The following CACHD1 variants were observed in gnomAD, a reference collection of about 807,000 sequenced individuals.
CACHD1 encodes cache domain containing 1, also known as VWFA and cache domain-containing protein 1.
In CACHD1, 71 loss-of-function variants were observed where a neutral mutation model predicts 138.7. The ratio of observed to expected loss-of-function variants is 0.51; its 90% confidence interval spans 0.42 to 0.62. CACHD1 has a LOEUF of 0.62. CACHD1 is among the 20% of genes least tolerant of loss of function. The probability of loss-of-function intolerance (pLI) is 0.00; values close to 1 mark genes in which losing one functional copy is unlikely to be tolerated. For missense variants in CACHD1, 1,389 were observed against 1,625.3 expected, an observed-to-expected ratio of 0.85 and a Z score of 2.50; for synonymous variants, 578 against 591.5, an observed-to-expected ratio of 0.98 and a Z score of 0.33.
intron 2 of CACHD1, among the ~76,000 whole-genome samples, chr1:64,560,268 G>C (rs1395420429): frequency 6.6e-6 from 1 of 151,328 alleles, no homozygotes; most frequent in Non-Finnish European, 1.5e-5. Context: ...TTTAGGTTTT[G>C]TTCTTTTTCT....
intron 2 of CACHD1, among the ~76,000 whole-genome samples, chr1:64,570,151 G>T (rs543508178): frequency 1.3e-5 from 2 of 152,126 alleles, no homozygotes; most frequent in East Asian, 1.9e-4. Flanking sequence ...TCAAGAACAG[G>T]GACCACTCAT....
chr1:64,471,029 G>A (rs139097650), intron 1 of CACHD1, 87 bp downstream of exon 1: 123 of 1,321,970 alleles, frequency 9.3e-5, no homozygotes, highest in Admixed American at 2.6e-4. Flanking sequence ...CCCCTGGACT[G>A]TGTGCATCGG....
chr1:64,507,707 G>C (rs1349505776), intron 1 of CACHD1, among the ~76,000 whole-genome samples: 1 of 152,132 alleles, frequency 6.6e-6, no homozygotes, highest in Non-Finnish European at 1.5e-5. Flanking sequence ...GAGTGAGAAT[G>C]GAAATTCAGC....
intron 5 of CACHD1, among the ~76,000 whole-genome samples, chr1:64,630,667 T>C (rs551270567): frequency 6.6e-6 from 1 of 152,322 alleles, no homozygotes; most frequent in African/African-American, 2.4e-5. Flanking sequence ...TCTTGGAGAC[T>C]GGACCAGAAG....
chr1:64,531,750 C>A (rs1020690300), intron 1 of CACHD1, among the ~76,000 whole-genome samples: 2 of 152,190 alleles, frequency 1.3e-5, no homozygotes, highest in African/African-American at 4.8e-5. Flanking sequence ...GTTTGCTATA[C>A]CAGCACAGGC....
At chr1:64,631,000 G>T (rs1165447654) in intron 5 of CACHD1, among the ~76,000 whole-genome samples, 1 of 152,074 alleles carries the variant, frequency 6.6e-6, no homozygotes, top group Non-Finnish European at 1.5e-5. Context: ...GCCTTTCCAA[G>T]TTCTCTACAT....
At chr1:64,555,813 C>T (rs1448954286) in intron 2 of CACHD1, among the ~76,000 whole-genome samples, 1 of 152,194 alleles carries the variant, frequency 6.6e-6, no homozygotes, top group African/African-American at 2.4e-5. Flanking sequence ...ATCCAATTTC[C>T]TTTTCTTCCC....
At chr1:64,689,129 C>T (rs996883946) in intron 26 of CACHD1, among the ~76,000 whole-genome samples, 3 of 152,172 alleles carry the variant, frequency 2.0e-5, no homozygotes, top group Admixed American at 2.0e-4. Flanking sequence ...TGTCTCCCAT[C>T]CAAGTACTAA....
intron 1 of CACHD1, among the ~76,000 whole-genome samples, chr1:64,497,225 A>C (rs1646311266): frequency 6.6e-6 from 1 of 152,102 alleles, no homozygotes; most frequent in Admixed American, 6.5e-5. Context: ...CAGGGCTTTG[A>C]TTTGCAGTGG....
intron 7 of CACHD1, among the ~76,000 whole-genome samples, chr1:64,635,673 G>C (rs968185967): frequency 6.6e-6 from 1 of 151,218 alleles, no homozygotes; most frequent in Non-Finnish European, 1.5e-5. Flanking sequence ...GAGCCACCAC[G>C]CCTGGCCTCT....
At chr1:64,487,858 G>A (rs2100290321) in intron 1 of CACHD1, among the ~76,000 whole-genome samples, 1 of 152,248 alleles carries the variant, frequency 6.6e-6, no homozygotes, top group Middle Eastern at 3.4e-3. Context: ...ATGTGATTGT[G>A]GTTTGGAATT....
In CACHD1 at chr1:64,652,197, G is replaced by A; in HGVS notation, c.1427G>A (p.Gly476Glu). The change falls in exon 10 of 27, where the codon GGA becomes GAA. Residue 476 changes from glycine to glutamate, a missense_variant. Coordinates refer to ENST00000651257, the MANE Select transcript of CACHD1 (RefSeq NM_020925.4). ...ACTGTGAGTAAACCCTGTTATTTTGGAAACCTACTTCTGGGAATTGTAGGT... is the reference window on the plus strand; with the variant it reads ...ACTGTGAGTAAACCCTGTTATTTTGAAAACCTACTTCTGGGAATTGTAGGT... Reference protein sequence around the residue: ...IMTVSKPCYFGNLLLGIVGVD... With the variant: ...IMTVSKPCYFENLLLGIVGVD... The A allele has an allele frequency of 6.2e-7, 1 of 1,612,582 alleles. No individual in the cohort carries two copies. Among genetic ancestry groups the A allele is most frequent in the Non-Finnish European group, 8.5e-7 (1 of 1,179,432 alleles).
At chr1:64,600,099 G>T (rs1647197910) in intron 3 of CACHD1, among the ~76,000 whole-genome samples, 1 of 152,070 alleles carries the variant, frequency 6.6e-6, no homozygotes, top group Admixed American at 6.5e-5. Flanking sequence ...CTGTGAAATG[G>T]GTAGGAGAAA....
chr1:64,607,361 C>T (rs1445523061), intron 4 of CACHD1, among the ~76,000 whole-genome samples: 3 of 152,088 alleles, frequency 2.0e-5, no homozygotes, highest in Non-Finnish European at 4.4e-5. Context: ...AGAAAACCAG[C>T]CATATGATTT....
chr1:64,608,312 C>G (rs1205563049), intron 4 of CACHD1, among the ~76,000 whole-genome samples: 2 of 152,144 alleles, frequency 1.3e-5, no homozygotes, highest in Non-Finnish European at 2.9e-5. Flanking sequence ...TGAAAGGTGA[C>G]CTCAGAGTTC....
At chr1:64,487,781 C>T (rs1354745662) in intron 1 of CACHD1, among the ~76,000 whole-genome samples, 1 of 152,114 alleles carries the variant, frequency 6.6e-6, no homozygotes, top group African/African-American at 2.4e-5. Flanking sequence ...GAATTCAAAT[C>T]AATTAGTTTA....
intron 1 of CACHD1, among the ~76,000 whole-genome samples, chr1:64,484,370 G>C (rs1646229108): frequency 6.6e-6 from 1 of 151,974 alleles, no homozygotes; most frequent in African/African-American, 2.4e-5. Flanking sequence ...GGTCTTGAGA[G>C]ACAGGACCTT....
At chr1:64,684,231 C>G (rs533237124) in intron 26 of CACHD1, among the ~76,000 whole-genome samples, 44 of 152,274 alleles carry the variant, frequency 2.9e-4, no homozygotes, top group Non-Finnish European at 3.1e-4. Flanking sequence ...GCGATCTCAG[C>G]TCACTGCACT....
chr1:64,527,794 G>T (rs1377788198), intron 1 of CACHD1, among the ~76,000 whole-genome samples: 2 of 152,084 alleles, frequency 1.3e-5, no homozygotes, highest in Middle Eastern at 3.2e-3. Flanking sequence ...TGATCTGATT[G>T]CCAGTACTGT....
Sources: gnomAD v4.1 joint callset for allele counts (sites outside exome capture counted in the v4.1 genomes callset) on GRCh38, gnomAD v4.1.1 for gene constraint, MANE v1.5 for transcripts, NCBI Gene and HGNC (gene_info 2026-07-23, HGNC 2026-07-21) for gene names.